The following PWWP2A variants were observed in gnomAD, a reference collection of about 807,000 sequenced individuals.
The protein encoded by PWWP2A is PWWP domain containing 2A.
In PWWP2A, 18 loss-of-function variants were observed where a neutral mutation model predicts 48.5. The observed-to-expected ratio is 0.37, with a 90% CI of 0.26 to 0.55. PWWP2A has a LOEUF of 0.55. PWWP2A is among the 20% of genes least tolerant of loss of function. The pLI is 0.81. For synonymous variants in PWWP2A, 396 were observed against 387.7 expected, an observed-to-expected ratio of 1.02 and a Z score of -0.25; for missense variants, 867 against 976.4, an observed-to-expected ratio of 0.89 and a Z score of 1.49.
rs748083955 is a variant in PWWP2A, at chr5:160,066,295, C to CTTTTTTTTTTTT, written c.*236+252_*236+253insAAAAAAAAAAAA. On this transcript the variant is annotated intron_variant and NMD_transcript_variant, in intron 4 of 5. Transcript: ENST00000524050. The stretch of plus-strand genomic sequence containing the variant: ...CAGCATTATGCTAGAAAGTGGTTCT[C>CTTTTTTTTTTTT]ATTTTTTTTTTTTTTTTTTTGAGGG... Among the ~76,000 whole-genome samples, 214 of 57,882 alleles carry CTTTTTTTTTTTT rather than the reference C, an allele frequency of 3.7e-3. 6 individuals are homozygous for CTTTTTTTTTTTT. Among genetic ancestry groups the CTTTTTTTTTTTT allele is most frequent in the African/African-American group, 8.7e-3 (156 of 17,838 alleles). 38.0% of individuals were successfully genotyped at this position (57,882 alleles called of 152,430 possible). A position where few individuals can be genotyped will look rare whatever the true frequency, so the allele number is the denominator to read the frequency against.
intron 1 of PWWP2A, among the ~76,000 whole-genome samples, chr5:160,098,076 CCCAG>C (rs1451190198): frequency 6.6e-6 from 1 of 152,152 alleles, no homozygotes; most frequent in Non-Finnish European, 1.5e-5. Context: ...GCAAGTATGG[CCCAG>C]CCAATTATTT....
chr5:160,045,518 ACACTCT>A, the PWWP2A span, among the ~76,000 whole-genome samples: 54 of 65,732 alleles, frequency 8.2e-4, no homozygotes, highest in Non-Finnish European at 1.0e-3. Context: ...ACACACATAC[ACACTCT>A]CTCTCTCTCT....
downstream of PWWP2A, among the ~76,000 whole-genome samples, chr5:160,074,072 A>G (rs1015923678): frequency 6.6e-6 from 1 of 151,268 alleles, no homozygotes; most frequent in South Asian, 2.1e-4. Flanking sequence ...TTCAAAAAAA[A>G]AAAAAAAAAA....
At chr5:160,065,447 G>A (rs1264328588) in intron 4 of PWWP2A, 3 of 461,646 alleles carry the variant, frequency 6.5e-6, no homozygotes, top group Non-Finnish European at 1.3e-5. Flanking sequence ...TTGATGACGG[G>A]TTCCCGCCTG....
rs1209807163 is a variant in PWWP2A at position 160,092,944 on chromosome 5, G to T, written c.1706C>A (p.Thr569Asn). The T allele has an allele frequency of 1.5e-5, 24 of 1,551,684 alleles. No homozygotes were observed. In the South Asian group the frequency reaches 2.5e-4, roughly 16 times the overall value. Reference sequence around the variant, plus strand: ...AGAGTCAGATTTCTTTTGATTTAGGGTCATATAAACAGAGATATTGTTTTT... The same window carrying T: ...AGAGTCAGATTTCTTTTGATTTAGGTTCATATAAACAGAGATATTGTTTTT... The part of the protein sequence containing the change: ...GSKNNISVYM[T>N]LNQKKSDSSS... Residue 569 changes from threonine (T) to asparagine (N), a missense_variant, in exon 2 of 2, where the codon ACC (threonine) becomes AAC (asparagine). Coordinates refer to ENST00000307063, the MANE Select transcript of PWWP2A (RefSeq NM_001130864.2).
chr5:160,059,949 C>CAATATCT, downstream of PWWP2A, among the ~76,000 whole-genome samples: 1 of 152,178 alleles, frequency 6.6e-6, no homozygotes, highest in Non-Finnish European at 1.5e-5. Context: ...GTAAAAAACA[C>CAATATCT]AATATCTGTA....
downstream of PWWP2A, among the ~76,000 whole-genome samples, chr5:160,089,035 GTC>G (rs1243333135): frequency 6.6e-6 from 1 of 152,094 alleles, no homozygotes; most frequent in Non-Finnish European, 1.5e-5. Context: ...TTTGCCTCCA[GTC>G]TGTTTTCACA....
intron 2 of PWWP2A, among the ~76,000 whole-genome samples, chr5:160,081,889 TG>T (rs1193390588): frequency 3.9e-5 from 6 of 152,222 alleles, no homozygotes; most frequent in South Asian, 2.1e-4. Context: ...TCTTTATAAT[TG>T]TTTTTTTAAT....
intron 1 of PWWP2A, among the ~76,000 whole-genome samples, chr5:160,099,678 A>AATTT (rs1554102993): frequency 7.1e-6 from 1 of 140,380 alleles, no homozygotes; most frequent in Admixed American, 7.2e-5. Flanking sequence ...CAAAAAAAAA[A>AATTT]TTTTTTTTTT....
chr5:160,110,290 C>T (rs1757426641), intron 1 of PWWP2A, among the ~76,000 whole-genome samples: 1 of 152,052 alleles, frequency 6.6e-6, no homozygotes, highest in African/African-American at 2.4e-5. Context: ...TCCTAAGGTG[C>T]CCGGCCAACA....
intron 1 of PWWP2A, among the ~76,000 whole-genome samples, chr5:160,101,660 T>TA (rs1256031551): frequency 1.3e-5 from 2 of 151,726 alleles, no homozygotes; most frequent in East Asian, 3.9e-4. Context: ...TTTGTTATTT[T>TA]TTTTTTTACA....
chr5:160,118,461 A>C (rs1758359659), intron 1 of PWWP2A, among the ~76,000 whole-genome samples: 1 of 151,218 alleles, frequency 6.6e-6, no homozygotes, highest in Non-Finnish European at 1.5e-5. Context: ...CTCTGCAAAA[A>C]TCCATCTGCA....
chr5:160,051,105 C>A, the PWWP2A span: 6 of 1,556,352 alleles, frequency 3.9e-6, no homozygotes, highest in South Asian at 1.2e-5. Context: ...TTTTACCAAC[C>A]CTTGTTTCTC....
At chr5:160,073,838 G>A (rs1257966112), downstream of PWWP2A, among the ~76,000 whole-genome samples, 2 of 152,012 alleles carry the variant, frequency 1.3e-5, no homozygotes, top group African/African-American at 2.4e-5. Context: ...GTCAAAGCGG[G>A]TGGATCACTT....
Position 160,093,262 on chromosome 5 carries a change from T to C in PWWP2A, c.1388A>G (p.Gln463Arg). 1 of 1,614,062 alleles carries C rather than the reference T, an allele frequency of 6.2e-7. No homozygotes were observed. The highest frequency in any genetic ancestry group is 8.5e-7 in the Non-Finnish European group (1 of 1,179,896). Residue 463 changes from glutamine to arginine, a missense_variant, in exon 2 of 2, where the codon CAG becomes CGG. Around this residue, in one of 4 missense-constraint regions of PWWP2A, gnomAD observed 382 missense variants for 407.2 expected, o/e 0.94. Coordinates refer to ENST00000307063, the MANE Select transcript of PWWP2A (RefSeq NM_001130864.2). The surrounding 1 kb of genome is among the most constrained non-coding windows in gnomAD (Gnocchi z 5.8). ...TGGAAGGGAACCTGAGCTAGGATTCTGATATCGACGTGTGAAATGGACTTT... is the reference window on the plus strand; with the variant it reads ...TGGAAGGGAACCTGAGCTAGGATTCCGATATCGACGTGTGAAATGGACTTT... ...HSKVHFTRRY[Q>R]NPSSGSLPPR...
chr5:160,065,444 C>T (rs943621101), intron 4 of PWWP2A: 7 of 462,366 alleles, frequency 1.5e-5, no homozygotes, highest in South Asian at 6.2e-5. Flanking sequence ...TGATTGATGA[C>T]GGGTTCCCGC....
downstream of PWWP2A, chr5:160,089,547 C>A (rs755659633): frequency 6.2e-5 from 80 of 1,287,360 alleles, no homozygotes; most frequent in Middle Eastern, 8.5e-4. Context: ...GGTTCCACAT[C>A]TGTAAATGAG....
downstream of PWWP2A, among the ~76,000 whole-genome samples, chr5:160,071,270 G>A (rs1323176038): frequency 1.3e-5 from 2 of 152,188 alleles, no homozygotes; most frequent in Non-Finnish European, 2.9e-5. Flanking sequence ...CTACTGGTAA[G>A]TAACATTTCA....
At chr5:160,105,691 A>G in intron 1 of PWWP2A, 1 of 980,072 alleles carries the variant, frequency 1.0e-6, no homozygotes, top group Non-Finnish European at 1.2e-6. Flanking sequence ...TGAGAGAAAG[A>G]GAAAAAGATT....
Sources: allele counts gnomAD v4.1 joint callset (sites outside exome capture counted in the v4.1 genomes callset), GRCh38; gene constraint gnomAD v4.1.1; regional missense constraint gnomAD v4.1.1; non-coding constraint Gnocchi (gnomAD v3.1); transcripts MANE v1.5; gene names NCBI Gene and HGNC (gene_info 2026-07-23, HGNC 2026-07-21).